IL1RAPL1: variants seen among roughly 807,000 people sequenced by gnomAD.
IL1RAPL1 encodes the protein interleukin 1 receptor accessory protein like 1.
Under a neutral mutation model 48.4 loss-of-function variants are expected in IL1RAPL1, and 3 were observed. The ratio of observed to expected loss-of-function variants is 0.06; its 90% confidence interval spans 0.03 to 0.16. The LOEUF (loss-of-function observed/expected upper bound fraction) is 0.16, where lower values mean the gene tolerates loss of function less well. Ranked by LOEUF, IL1RAPL1 falls within the 10% of genes least tolerant of loss-of-function variation. IL1RAPL1 has a pLI of 1.00. For missense variants in IL1RAPL1, 349 were observed against 530.6 expected (o/e 0.66, Z 3.36); for synonymous variants, 185 against 187.7 (o/e 0.99, Z 0.12).
intron 9 of IL1RAPL1, among the ~76,000 whole-genome samples, chrX:29,944,764 A>G (rs1933186817): frequency 9.0e-6 from 1 of 110,882 alleles, no homozygotes; most frequent in Non-Finnish European, 1.9e-5. Flanking sequence ...TCCCTTCCTC[A>G]CTTGAGATAC....
chrX:29,408,461 A>C (rs2147696027), intron 5 of IL1RAPL1, among the ~76,000 whole-genome samples: 1 of 111,451 alleles, frequency 9.0e-6, no homozygotes, highest in East Asian at 2.8e-4. Context: ...GTCAGATCAT[A>C]GAATTAAGTA....
rs143897664 is a variant in IL1RAPL1, at chrX:29,101,211, G to A, written c.83-181727G>A. ...GCAGAAATTCAAATGACCATTAGAG[G>A]CTACTATGAGCAACTATATGCCAAT... On this transcript the variant is annotated intron_variant, in intron 2 of 10. Transcript: ENST00000378993. Among the ~76,000 whole-genome samples, 38 of 112,079 alleles carry A rather than the reference G, an allele frequency of 3.4e-4. No individual in the cohort carries two copies. In the East Asian group the frequency reaches 9.5e-3, roughly 28 times the overall value.
intron 6 of IL1RAPL1, among the ~76,000 whole-genome samples, chrX:29,909,379 C>T (rs897901520): frequency 4.0e-4 from 44 of 110,353 alleles, no homozygotes; most frequent in African/African-American, 1.4e-3. Context: ...TGCAGTGAAC[C>T]GTGATTGTTT....
At chrX:28,735,667 G>GA (rs1048502928) in intron 1 of IL1RAPL1, among the ~76,000 whole-genome samples, 4 of 109,951 alleles carry the variant, frequency 3.6e-5, no homozygotes, top group Admixed American at 9.9e-5. Flanking sequence ...AGCTGCTTGG[G>GA]AGCCTGAGGC....
chrX:28,634,428 T>C (rs1934440079), intron 1 of IL1RAPL1, among the ~76,000 whole-genome samples: 1 of 109,512 alleles, frequency 9.1e-6, no homozygotes, highest in East Asian at 2.8e-4. Context: ...TATACGTATG[T>C]ATATATACAC....
At chrX:29,850,098 T>G (rs16988793) in intron 6 of IL1RAPL1, among the ~76,000 whole-genome samples, 4,085 of 111,965 alleles carry the variant, frequency 0.036, 176 homozygotes, top group African/African-American at 0.13. Flanking sequence ...TCTTTGGCAT[T>G]TAAGGGCACC....
intron 2 of IL1RAPL1, among the ~76,000 whole-genome samples, chrX:29,086,709 A>G (rs375469611): frequency 8.9e-6 from 1 of 112,397 alleles, no homozygotes; most frequent in East Asian, 2.8e-4. Flanking sequence ...TGTCCTGGCT[A>G]GAAGTGTCAT....
Position 28,821,392 on chromosome X carries a change from G to T in IL1RAPL1, c.82+31967G>T, listed in dbSNP as rs558292025. ...GGATTAGGATGTGGACAAAATTGAG[G>T]GTCCATTACTCAGCCTACAGCAGAA... On this transcript the variant is annotated intron_variant, in intron 2 of 10. Transcript: ENST00000378993. Among the ~76,000 whole-genome samples the T allele has an allele frequency of 5.5e-5, 6 of 110,043 alleles. No individual in the cohort carries two copies. In the South Asian group the frequency reaches 1.9e-3, roughly 36 times the overall value.
chrX:28,754,491 A>AT (rs1449589000), intron 1 of IL1RAPL1, among the ~76,000 whole-genome samples: 1 of 111,861 alleles, frequency 8.9e-6, no homozygotes, highest in African/African-American at 3.2e-5. Flanking sequence ...AAAAATACCA[A>AT]TTTTTTTGAG....
chrX:29,927,879 T>C (rs918710675), intron 8 of IL1RAPL1, among the ~76,000 whole-genome samples: 2 of 95,440 alleles, frequency 2.1e-5, no homozygotes, highest in Admixed American at 2.4e-4. Context: ...AATGATATGC[T>C]TCAAAAGCAG....
chrX:28,892,197 C>T (rs1241673197), intron 2 of IL1RAPL1, among the ~76,000 whole-genome samples: 2 of 110,100 alleles, frequency 1.8e-5, no homozygotes, highest in African/African-American at 3.3e-5. Context: ...TGGGTGCAGG[C>T]AGGCCGAGTC....
intron 5 of IL1RAPL1, among the ~76,000 whole-genome samples, chrX:29,488,904 A>G (rs1534965): frequency 0.1 from 11,341 of 111,731 alleles, 1,426 homozygotes; most frequent in African/African-American, 0.35. Context: ...CCAAGGAGAC[A>G]CTGGAGAGTT....
Position 28,970,006 on chromosome X carries a change from C to CAT in IL1RAPL1, c.82+180591_82+180592dup, listed in dbSNP as rs895377259. 1.6e-4 allele frequency among the ~76,000 whole-genome samples: 18 copies of CAT among 109,174 alleles called. No individual in the cohort carries two copies. In the South Asian group the frequency reaches 3.5e-3, roughly 21 times the overall value. 94.8% of individuals were successfully genotyped at this position (109,174 alleles called of 115,157 possible). On this transcript the variant is annotated intron_variant, in intron 2 of 10. Coordinates refer to ENST00000378993, the MANE Select transcript of IL1RAPL1 (RefSeq NM_014271.4). Reference sequence around the variant, plus strand: ...CTAAACACATATATATGTTTAGAAACATATATATATAAAGATAAAGTTTTG... The same window carrying CAT: ...CTAAACACATATATATGTTTAGAAACATATATATATATAAAGATAAAGTTTTG...
intron 2 of IL1RAPL1, among the ~76,000 whole-genome samples, chrX:28,929,432 C>G (rs1374428813): frequency 9.0e-6 from 1 of 111,728 alleles, no homozygotes; most frequent in Non-Finnish European, 1.9e-5. Context: ...TCCTCTCATT[C>G]CTTACTGAAG....
intron 5 of IL1RAPL1, among the ~76,000 whole-genome samples, chrX:29,570,335 A>C (rs1335901236): frequency 8.9e-6 from 1 of 112,532 alleles, no homozygotes. Flanking sequence ...CATTGGAAAA[A>C]TATTTTCAAT....
chrX:29,855,117 G>T (rs1383200615), intron 6 of IL1RAPL1, among the ~76,000 whole-genome samples: 2 of 111,633 alleles, frequency 1.8e-5, no homozygotes, highest in Non-Finnish European at 1.9e-5. Context: ...TAGTATCCAA[G>T]CCATTGAATC....
At chrX:28,616,778 T>G (rs1242789801) in intron 1 of IL1RAPL1, among the ~76,000 whole-genome samples, 1 of 112,394 alleles carries the variant, frequency 8.9e-6, no homozygotes, top group Non-Finnish European at 1.9e-5. Context: ...TCATAATCCC[T>G]TACTCATTCA....
intron 2 of IL1RAPL1, among the ~76,000 whole-genome samples, chrX:29,153,968 C>T (rs1442653512): frequency 1.8e-5 from 2 of 111,661 alleles, no homozygotes; most frequent in African/African-American, 6.5e-5. Context: ...ACTTAGAAAC[C>T]ATCTCCTACG....
chrX:29,676,603 A>C (rs937519134), intron 6 of IL1RAPL1, among the ~76,000 whole-genome samples: 1 of 111,964 alleles, frequency 8.9e-6, no homozygotes, highest in Non-Finnish European at 1.9e-5. Flanking sequence ...GAAGAAAACT[A>C]TCTCTATTCT....
Sources: gnomAD v4.1 joint callset for allele counts (sites outside exome capture counted in the v4.1 genomes callset) on GRCh38, gnomAD v4.1.1 for gene constraint, MANE v1.5 for transcripts, NCBI Gene and HGNC (gene_info 2026-07-23, HGNC 2026-07-21) for gene names.